The following LCK variants were observed in gnomAD, a reference collection of about 807,000 sequenced individuals.
LCK encodes the protein LCK proto-oncogene, Src family tyrosine kinase.
In LCK, 14 loss-of-function variants were observed where a neutral mutation model predicts 64.6. The ratio of observed to expected loss-of-function variants is 0.22; its 90% CI spans 0.14 to 0.34. The LOEUF is 0.34. Ranked by LOEUF, LCK falls within the 10% of genes least tolerant of loss-of-function variation. The pLI is 1.00. For synonymous variants in LCK, 277 were observed against 263.6 expected, an observed-to-expected ratio of 1.05 and a Z score of -0.49; for missense variants, 434 against 668.1, an observed-to-expected ratio of 0.65 and a Z score of 3.86.
intron 1 of LCK, chr1:32,274,106 G>A: frequency 2.1e-6 from 2 of 970,428 alleles, no homozygotes; most frequent in African/African-American, 1.6e-5. Context: ...GGGCTCAGGG[G>A]CCGTGTGTGA....
chr1:32,267,909 A>T (rs560810894), intron 1 of LCK, among the ~76,000 whole-genome samples: 214 of 147,676 alleles, frequency 1.4e-3, no homozygotes, highest in African/African-American at 4.9e-3. Flanking sequence ...AATAATAATA[A>T]TAAGGCCGGG....
chr1:32,254,254 C>G (rs977164792), intron 1 of LCK, among the ~76,000 whole-genome samples: 8 of 152,192 alleles, frequency 5.3e-5, no homozygotes, highest in African/African-American at 1.9e-4. Flanking sequence ...TGCAGTGGCT[C>G]ACGCCTGTAA....
chr1:32,283,288 CA>C (rs888361880), intron 12 of LCK, among the ~76,000 whole-genome samples: 1,753 of 53,740 alleles, frequency 0.033, 5 homozygotes, highest in Middle Eastern at 0.057. Flanking sequence ...GACTCTGTCT[CA>C]AAAAAAAAAA....
Position 32,269,058 on chromosome 1 carries a change from C to CA in LCK, c.-5-5266dup, listed in dbSNP as rs1435270375. Among the ~76,000 whole-genome samples, 4 of 148,782 alleles carry CA rather than the reference C, an allele frequency of 2.7e-5. No homozygotes were observed. The East Asian group carries it at 7.9e-4, about 30-fold the overall frequency. ...GCTGAGGGAGGAGAGACAGAGCTTG[C>CA]AGTGAGCCCAGATCACACCACTGCA... On this transcript the variant is annotated intron_variant, in intron 1 of 12. Coordinates refer to ENST00000336890, the MANE Select transcript of LCK (RefSeq NM_005356.5).
At position 32,276,368 on chromosome 1, in the gene LCK, C is replaced by T. The variant is rs1489258024; in HGVS notation, c.663C>T (p.Ser221=). The T allele has an allele frequency of 3.7e-6, 6 of 1,609,312 alleles. No individual in the cohort carries two copies. Among genetic ancestry groups the T allele is most frequent in the Non-Finnish European group, 5.1e-6 (6 of 1,178,860 alleles). ...CAGATGGGCTGTGCACACGGTTGAGCCGCCCCTGCCAGACCCAGAAGCCCC... is the reference window on the plus strand; with the variant it reads ...CAGATGGGCTGTGCACACGGTTGAGTCGCCCCTGCCAGACCCAGAAGCCCC... ...NASDGLCTRL[S]RPCQTQKPQK... The change falls in exon 8 of 13, where the codon AGC becomes AGT. Residue 221 remains serine, a synonymous_variant. Transcript: ENST00000336890. The surrounding 1 kb of genome is among the most constrained non-coding windows in gnomAD (Gnocchi z 4.6).
chr1:32,282,411 CA>C (rs1053141338), intron 12 of LCK, among the ~76,000 whole-genome samples: 35 of 151,954 alleles, frequency 2.3e-4, no homozygotes, highest in Admixed American at 1.2e-3. Flanking sequence ...GTGGGGGACC[CA>C]AAAAAACAGA....
At chr1:32,282,390 G>A (rs779646260) in intron 12 of LCK, among the ~76,000 whole-genome samples, 3 of 152,222 alleles carry the variant, frequency 2.0e-5, no homozygotes, top group Admixed American at 6.5e-5. Flanking sequence ...GCAGATGGCT[G>A]CAATTAAGGC....
rs186183190 is a variant in LCK at position 32,276,911 on chromosome 1, C to G, written c.964+125C>G. 5.3e-5 allele frequency: 56 copies of G among 1,047,554 alleles called. No individual in the cohort carries two copies. Among genetic ancestry groups the G allele is most frequent in the Non-Finnish European group, 7.0e-5 (53 of 760,082 alleles). The allele number at this position is 1,047,554 out of a possible 1,614,324, so 64.9% of individuals were successfully genotyped here. ...AAGGAGGGTTTCTTGAGCTTTCCTG[C>G]CCCCTGGAGACTCACCTCCAGCCGG... On this transcript the variant is annotated intron_variant, in intron 9 of 12. Coordinates refer to ENST00000336890, the MANE Select transcript of LCK (RefSeq NM_005356.5). The surrounding 1 kb of genome is among the most constrained non-coding windows in gnomAD (Gnocchi z 4.6).
chr1:32,270,094 T>TTC (rs1197363361), intron 1 of LCK, among the ~76,000 whole-genome samples: 1 of 152,160 alleles, frequency 6.6e-6, no homozygotes, highest in South Asian at 2.1e-4. Flanking sequence ...CCAGCATGAA[T>TTC]TCTCTCTCTC....
chr1:32,270,917 TG>T (rs773802934), intron 1 of LCK, among the ~76,000 whole-genome samples: 11 of 150,934 alleles, frequency 7.3e-5, no homozygotes, highest in Admixed American at 1.3e-4. Context: ...TTGGCCAGGA[TG>T]GTCTCGATCC....
chr1:32,258,307 G>C (rs1044413954), intron 1 of LCK, among the ~76,000 whole-genome samples: 1 of 149,814 alleles, frequency 6.7e-6, no homozygotes, highest in African/African-American at 2.5e-5. Flanking sequence ...AAAAAAGAGA[G>C]AGAGCGGAAT....
At chr1:32,274,110 T>G in intron 1 of LCK, 1 of 990,486 alleles carries the variant, frequency 1.0e-6, no homozygotes, top group Non-Finnish European at 1.4e-6. Context: ...TCAGGGGCCG[T>G]GTGTGAATTT....
rs552190923 is a variant in LCK, at chr1:32,272,981, T to G, written c.-5-1344T>G. Among the ~76,000 whole-genome samples, 56 of 137,130 alleles carry G rather than the reference T, an allele frequency of 4.1e-4. No individual in the cohort carries two copies. The East Asian group carries it at 7.2e-3, about 18-fold the overall frequency. The allele number at this position is 137,130 out of a possible 152,430, so 90.0% of individuals were successfully genotyped here. ...TGTGTGTGGGGTGAGTGCGTGTGTG[T>G]GGGGGTGAATGCGTGTGTGTGTGTA... On this transcript the variant is annotated intron_variant, in intron 1 of 12. Coordinates refer to ENST00000336890, the MANE Select transcript of LCK (RefSeq NM_005356.5).
At chr1:32,256,194 A>G (rs1211642634) in intron 1 of LCK, among the ~76,000 whole-genome samples, 1 of 151,956 alleles carries the variant, frequency 6.6e-6, no homozygotes, top group Non-Finnish European at 1.5e-5. Context: ...GCTGGAGTGC[A>G]GTGGCACTAT....
intron 12 of LCK, among the ~76,000 whole-genome samples, chr1:32,283,782 C>A (rs545362044): frequency 2.6e-5 from 4 of 152,150 alleles, no homozygotes; most frequent in Non-Finnish European, 4.4e-5. Flanking sequence ...ACTGGAGAGA[C>A]CTCACCACTG....
intron 1 of LCK, among the ~76,000 whole-genome samples, chr1:32,266,563 G>C (rs932429664): frequency 1.3e-5 from 2 of 149,564 alleles, no homozygotes; most frequent in Non-Finnish European, 3.0e-5. Context: ...TGAGATTATA[G>C]GCCTGAGCTA....
chr1:32,283,296 A>AG, intron 12 of LCK, among the ~76,000 whole-genome samples: 1 of 151,440 alleles, frequency 6.6e-6, no homozygotes, highest in East Asian at 1.9e-4. Context: ...CTCAAAAAAA[A>AG]AAAAAAAAAA....
chr1:32,276,513 C>T lies in LCK; in HGVS notation c.784+24C>T, dbSNP rs766968996. 6.5e-5 allele frequency: 103 copies of T among 1,595,890 alleles called. No homozygotes were observed. The highest frequency in any genetic ancestry group is 8.6e-5 in the Non-Finnish European group (101 of 1,169,376). On this transcript the variant is annotated intron_variant, in intron 8 of 12. Coordinates refer to ENST00000336890, the MANE Select transcript of LCK (RefSeq NM_005356.5). This position sits in a 1 kb window ranked among gnomAD's most constrained non-coding sequence, Gnocchi z 4.6. ...GGGTGAGTGTGGCCTCCAGGACTGC[C>T]TGGGAAGAGGGGAACGGGAGGGGCC... is the stretch of plus-strand genomic sequence containing the variant.
intron 1 of LCK, among the ~76,000 whole-genome samples, chr1:32,256,298 C>T (rs867843112): frequency 6.6e-6 from 1 of 151,840 alleles, no homozygotes; most frequent in South Asian, 2.1e-4. Context: ...CCACCAAGCC[C>T]GGCTAACTTT....
Sources: gnomAD v4.1 joint callset for allele counts (sites outside exome capture counted in the v4.1 genomes callset) on GRCh38, gnomAD v4.1.1 for gene constraint, Gnocchi (gnomAD v3.1) non-coding constraint, MANE v1.5 for transcripts, NCBI Gene and HGNC (gene_info 2026-07-23, HGNC 2026-07-21) for gene names.